Variants in VAMP7 observed in about 807,000 individuals in gnomAD.
The protein encoded by VAMP7 is vesicle-associated membrane protein 7.
VAMP7 carries 14 observed loss-of-function variants against 29.6 expected under a neutral mutation model. The ratio of observed to expected loss-of-function variants is 0.47; its 90% CI spans 0.31 to 0.74. The LOEUF (loss-of-function observed/expected upper bound fraction) is 0.74. VAMP7 is among the 30% of genes least tolerant of loss of function. The pLI is 0.05. For missense variants in VAMP7, 223 were observed against 262.4 expected (o/e 0.85, Z 1.04); for synonymous variants, 95 against 88.1 (o/e 1.08, Z -0.44).
intron 6 of VAMP7, among the ~76,000 whole-genome samples, chrX:155,926,198 C>T (rs930423222): frequency 2.9e-4 from 44 of 152,118 alleles, no homozygotes; most frequent in African/African-American, 9.7e-4. Flanking sequence ...GTCAGCTTAT[C>T]CTTTGAAGCT....
chrX:155,902,646 G>A (rs1259143671), intron 5 of VAMP7, among the ~76,000 whole-genome samples: 1 of 151,978 alleles, frequency 6.6e-6, no homozygotes, highest in Non-Finnish European at 1.5e-5. Context: ...TTTGTCTTTG[G>A]TTCCGTTTAT....
At chrX:155,932,518 T>C (rs960304589) in intron 6 of VAMP7, among the ~76,000 whole-genome samples, 16 of 152,142 alleles carry the variant, frequency 1.1e-4, no homozygotes, top group Non-Finnish European at 1.9e-4. Flanking sequence ...TTGTCTGTTA[T>C]TGGTGTATAA....
At chrX:155,897,200 T>A (rs1260936595) in intron 3 of VAMP7, among the ~76,000 whole-genome samples, 1 of 152,170 alleles carries the variant, frequency 6.6e-6, no homozygotes, top group Non-Finnish European at 1.5e-5. Flanking sequence ...TATTCACAAT[T>A]GAAATATAAG....
In VAMP7 at chrX:155,931,988, T is replaced by G. The variant is rs778556905; in HGVS notation, c.502-7713T>G. Among the ~76,000 whole-genome samples, 282 of 152,326 alleles carry G rather than the reference T, an allele frequency of 1.9e-3. 1 individual carries two copies. Among genetic ancestry groups the G allele is most frequent in the African/African-American group, 6.6e-3 (276 of 41,578 alleles). ...GAATCCTTTCCCCATTTCTTCTTTT[T>G]GTCAGGTTTGTCAAAGATGACATGG... On this transcript the variant is annotated intron_variant, in intron 6 of 7. Transcript: ENST00000286448.
chrX:155,898,419 G>A (rs1299344599), intron 4 of VAMP7, among the ~76,000 whole-genome samples, 170 bp downstream of exon 4: 3 of 151,834 alleles, frequency 2.0e-5, no homozygotes, highest in Non-Finnish European at 4.4e-5. Flanking sequence ...GGCCATTTTA[G>A]GGTAGAAAAC....
At chrX:155,887,935 C>G (rs980241807) in intron 1 of VAMP7, among the ~76,000 whole-genome samples, 2 of 128,200 alleles carry the variant, frequency 1.6e-5, no homozygotes, top group African/African-American at 5.5e-5. Flanking sequence ...AAGACCCTGT[C>G]TCAAAAAAAA....
At chrX:155,924,936 A>G (rs946096397) in intron 6 of VAMP7, among the ~76,000 whole-genome samples, 1 of 152,202 alleles carries the variant, frequency 6.6e-6, no homozygotes, top group African/African-American at 2.4e-5. Flanking sequence ...TTGTCATTTC[A>G]ACAGTGTTCA....
Position 155,941,916 on chromosome X carries a change from G to A in VAMP7, c.628G>A (p.Gly210Ser). Reference sequence around the variant, plus strand: ...CTATATCATTGTTTCACCTCTCTGTGGTGGATTTACATGGCCAAGCTGTGT... The same window carrying A: ...CTATATCATTGTTTCACCTCTCTGTAGTGGATTTACATGGCCAAGCTGTGT... Reference protein sequence around the residue: ...FIYIIVSPLCGGFTWPSCVKK With the variant: ...FIYIIVSPLCSGFTWPSCVKK The change falls in exon 8 of 8, where the codon GGT (glycine) becomes AGT (serine). Residue 210 changes from glycine (G) to serine (S), a missense_variant. Physicochemically the swap from Gly to Ser is moderately conservative, Grantham distance 56. Transcript: ENST00000286448. 1 of 1,613,642 alleles carries A rather than the reference G, an allele frequency of 6.2e-7. No homozygotes were observed. The highest frequency in any genetic ancestry group is 8.5e-7 in the Non-Finnish European group (1 of 1,179,776).
At chrX:155,881,912 C>A (rs1217844960) in intron 1 of VAMP7, among the ~76,000 whole-genome samples, 2 of 152,162 alleles carry the variant, frequency 1.3e-5, no homozygotes, top group African/African-American at 4.8e-5. Context: ...TCCCCTTCTT[C>A]CTCTGTTCAG....
chrX:155,895,523 G>C, intron 2 of VAMP7, 100 bp from the exon 3 acceptor site: 1 of 772,048 alleles, frequency 1.3e-6, no homozygotes. Context: ...GTAATATGGT[G>C]ACATTGGCAG....
chrX:155,933,569 A>G (rs1457131285), intron 6 of VAMP7, among the ~76,000 whole-genome samples: 2 of 151,922 alleles, frequency 1.3e-5, no homozygotes, highest in Non-Finnish European at 2.9e-5. Flanking sequence ...ATCATTTTTT[A>G]TTGCGTCTAT....
intron 5 of VAMP7, among the ~76,000 whole-genome samples, chrX:155,915,574 C>T (rs2066300061): frequency 6.6e-6 from 1 of 152,124 alleles, no homozygotes. Flanking sequence ...TCTTTATTCT[C>T]ATTGGTTTCA....
intron 5 of VAMP7, among the ~76,000 whole-genome samples, chrX:155,903,710 T>G (rs1462898121): frequency 2.0e-5 from 3 of 152,026 alleles, no homozygotes; most frequent in Non-Finnish European, 4.4e-5. Context: ...GAAACAACAG[T>G]TACTGGAGAG....
In VAMP7 at chrX:155,921,703, A is replaced by G. The variant is rs747769612; in HGVS notation, c.501+1823A>G. Among the ~76,000 whole-genome samples, 12 of 151,970 alleles carry G rather than the reference A, an allele frequency of 7.9e-5. No homozygotes were observed. The South Asian group carries it at 2.5e-3, about 32-fold the overall frequency. ...TTTATGCCAGTACCACACTGTGTTG[A>G]TTAGTATAACTTAATAGAATTCTTG... On this transcript the variant is annotated intron_variant, in intron 6 of 7. Coordinates refer to ENST00000286448, the MANE Select transcript of VAMP7 (RefSeq NM_005638.6).
rs971184157 is a variant in VAMP7, at chrX:155,939,764, C to T, written c.565C>T (p.Leu189Phe). ...AGCCATGTGTATGAAGAACCTCAAG[C>T]TCACTATTATCATCATCATCGTATC... ...ARAMCMKNLK[L>F]TIIIIIVSIV... Residue 189 changes from leucine to phenylalanine, a missense_variant, in exon 7 of 8, where the codon CTC becomes TTC. By Grantham distance (22) the Leu-to-Phe change is conservative. Transcript: ENST00000286448. 1.9e-6 allele frequency: 3 copies of T among 1,613,832 alleles called. No homozygotes were observed. Among genetic ancestry groups the T allele is most frequent in the Non-Finnish European group, 2.5e-6 (3 of 1,179,776 alleles).
At chrX:155,906,338 C>T (rs1602952506) in intron 5 of VAMP7, among the ~76,000 whole-genome samples, 1 of 152,060 alleles carries the variant, frequency 6.6e-6, no homozygotes, top group African/African-American at 2.4e-5. Flanking sequence ...TTGATGCCTC[C>T]TCTTAGTAAT....
chrX:155,913,640 C>G (rs2066269794), intron 5 of VAMP7, among the ~76,000 whole-genome samples: 1 of 152,120 alleles, frequency 6.6e-6, no homozygotes, highest in African/African-American at 2.4e-5. Flanking sequence ...ATCCTTTCCC[C>G]ATTGCTTGTT....
intron 5 of VAMP7, among the ~76,000 whole-genome samples, chrX:155,917,217 A>C (rs777446268): frequency 6.6e-6 from 1 of 152,074 alleles, no homozygotes; most frequent in South Asian, 2.1e-4. Context: ...CAGGTCATTT[A>C]TGTTCTTCTC....
chrX:155,933,551 C>A (rs1302469367), intron 6 of VAMP7, among the ~76,000 whole-genome samples: 1 of 151,994 alleles, frequency 6.6e-6, no homozygotes, highest in Non-Finnish European at 1.5e-5. Context: ...GTGGTGATAT[C>A]CCCTTTTATC....
Sources: allele counts gnomAD v4.1 joint callset (sites outside exome capture counted in the v4.1 genomes callset), GRCh38; gene constraint gnomAD v4.1.1; transcripts MANE v1.5; gene names NCBI Gene and HGNC (gene_info 2026-07-23, HGNC 2026-07-21).